Variants in SNX25 observed in about 807,000 individuals in gnomAD.
SNX25 encodes the protein sorting nexin 25.
In SNX25, 62 loss-of-function variants were observed where a neutral mutation model predicts 113.7. The observed-to-expected ratio is 0.55, with a 90% CI of 0.44 to 0.67. SNX25 has a LOEUF of 0.67. SNX25 is among the 30% of genes least tolerant of loss of function. The probability of loss-of-function intolerance (pLI) is 0.00; values close to 1 mark genes in which losing one functional copy is unlikely to be tolerated. For synonymous variants in SNX25, 421 were observed against 436.2 expected, an observed-to-expected ratio of 0.97 and a Z score of 0.43; for missense variants, 1,014 against 1,161.0, an observed-to-expected ratio of 0.87 and a Z score of 1.84.
intron 6 of SNX25, among the ~76,000 whole-genome samples, chr4:185,299,330 G>A (rs193084837): frequency 7.2e-5 from 11 of 152,264 alleles, no homozygotes; most frequent in Non-Finnish European, 1.3e-4. Flanking sequence ...TAATAGACAA[G>A]GCCTAAAGGG....
intron 1 of SNX25, among the ~76,000 whole-genome samples, chr4:185,227,872 C>T (rs1016275299): frequency 2.0e-5 from 3 of 151,994 alleles, no homozygotes; most frequent in African/African-American, 4.8e-5. Flanking sequence ...ATGAGACTGC[C>T]GAGAGCAGTA....
intron 2 of SNX25, among the ~76,000 whole-genome samples, chr4:185,257,176 G>GAAA (rs11332633): frequency 9.4e-6 from 1 of 106,372 alleles, no homozygotes; most frequent in South Asian, 3.1e-4. Context: ...TTTGAAAAGT[G>GAAA]AAAAAAAAAA....
At chr4:185,258,036 G>A (rs897979746) in intron 2 of SNX25, among the ~76,000 whole-genome samples, 4 of 152,198 alleles carry the variant, frequency 2.6e-5, no homozygotes, top group African/African-American at 9.6e-5. Context: ...GAATAAGGAA[G>A]GGCAGATATA....
chr4:185,217,198 A>T (rs909729125), intron 1 of SNX25, among the ~76,000 whole-genome samples: 1 of 151,860 alleles, frequency 6.6e-6, no homozygotes, highest in Non-Finnish European at 1.5e-5. Context: ...TGGGAGGCCG[A>T]GCCAAGGTCG....
intron 2 of SNX25, among the ~76,000 whole-genome samples, chr4:185,257,599 G>T (rs1282870369): frequency 6.6e-6 from 1 of 151,924 alleles, no homozygotes; most frequent in African/African-American, 2.4e-5. Context: ...TTGTTAAATG[G>T]ATATATTATT....
At chr4:185,374,368 C>T (rs2095426077), downstream of SNX25, 2 of 1,614,156 alleles carry the variant, frequency 1.2e-6, no homozygotes, top group African/African-American at 2.7e-5. Context: ...TCATAATAAG[C>T]TCTTCCGAGG....
chr4:185,377,374 A>C, the SNX25 span: 7 of 198,988 alleles, frequency 3.5e-5, no homozygotes, highest in African/African-American at 1.6e-4. Flanking sequence ...CAAAATTAGC[A>C]GGGCGTGGTG....
At chr4:185,340,509 A>T (rs995009249) in intron 11 of SNX25, among the ~76,000 whole-genome samples, 1 of 152,196 alleles carries the variant, frequency 6.6e-6, no homozygotes, top group Non-Finnish European at 1.5e-5. Flanking sequence ...AGGGAAGGTC[A>T]TGCCCAGCCT....
chr4:185,242,676 T>C (rs755138435), intron 1 of SNX25, among the ~76,000 whole-genome samples: 1 of 152,136 alleles, frequency 6.6e-6, no homozygotes, highest in Non-Finnish European at 1.5e-5. Flanking sequence ...AGCCCTGTCC[T>C]CTGGAGCTTT....
chr4:185,262,192 T>C (rs549386494), intron 3 of SNX25, among the ~76,000 whole-genome samples: 14 of 152,366 alleles, frequency 9.2e-5, no homozygotes. Context: ...AGTTGACTGT[T>C]GGGCAATTGT....
At chr4:185,215,095 T>C (rs188398486) in intron 1 of SNX25, among the ~76,000 whole-genome samples, 580 of 151,958 alleles carry the variant, frequency 3.8e-3, no homozygotes, top group African/African-American at 0.013. Context: ...CCGGGCGTGG[T>C]GCGGGCGCCT....
intron 1 of SNX25, among the ~76,000 whole-genome samples, chr4:185,245,646 G>A (rs113043972): frequency 1.2e-4 from 19 of 152,152 alleles, no homozygotes; most frequent in African/African-American, 4.3e-4. Context: ...GCCCAAAGCA[G>A]TATCTTTATA....
intron 6 of SNX25, among the ~76,000 whole-genome samples, chr4:185,308,538 C>A (rs2126659370): frequency 6.6e-6 from 1 of 152,164 alleles, no homozygotes; most frequent in Middle Eastern, 3.4e-3. Context: ...CTTCCTCAGC[C>A]CCAAATTCTA....
At chr4:185,224,058 ATAT>A (rs918444604) in intron 1 of SNX25, among the ~76,000 whole-genome samples, 1 of 151,952 alleles carries the variant, frequency 6.6e-6, no homozygotes, top group African/African-American at 2.4e-5. Flanking sequence ...TTTTTAAAAA[ATAT>A]TATTATGAAT....
intron 9 of SNX25, among the ~76,000 whole-genome samples, chr4:185,328,599 G>T (rs572608151): frequency 6.6e-6 from 1 of 152,218 alleles, no homozygotes; most frequent in South Asian, 2.1e-4. Context: ...CAGGGGTGAG[G>T]GTGGAGGTTA....
At chr4:185,326,614 T>A (rs964851635) in intron 9 of SNX25, among the ~76,000 whole-genome samples, 5 of 152,202 alleles carry the variant, frequency 3.3e-5, no homozygotes, top group Admixed American at 3.3e-4. Context: ...TCCCAAAACG[T>A]TGGAACACAT....
At chr4:185,300,415 C>T (rs142637044) in intron 6 of SNX25, among the ~76,000 whole-genome samples, 2,027 of 151,326 alleles carry the variant, frequency 0.013, 51 homozygotes, top group African/African-American at 0.047. Context: ...GTGATCCACC[C>T]GCCTCAGCCT....
intron 1 of SNX25, among the ~76,000 whole-genome samples, chr4:185,231,005 C>T (rs1002350750): frequency 2.0e-5 from 3 of 152,056 alleles, no homozygotes; most frequent in Non-Finnish European, 2.9e-5. Flanking sequence ...TATATATCCA[C>T]GTGCACCAGG....
chr4:185,205,402 C>T (rs527866372), upstream of SNX25, among the ~76,000 whole-genome samples: 2 of 151,030 alleles, frequency 1.3e-5, 1 homozygote, highest in African/African-American at 4.9e-5. Context: ...TGCAGCGAGC[C>T]GAGATCGTGC....
Sources: gnomAD v4.1 joint callset for allele counts (sites outside exome capture counted in the v4.1 genomes callset) on GRCh38, gnomAD v4.1.1 for gene constraint, MANE v1.5 for transcripts, NCBI Gene and HGNC (gene_info 2026-07-23, HGNC 2026-07-21) for gene names.